The following RB1 variants were observed in gnomAD, a reference collection of about 807,000 sequenced individuals.
RB1 encodes the protein retinoblastoma-associated protein.
RB1 carries 18 observed loss-of-function variants against 135.4 expected under a neutral mutation model. The observed-to-expected ratio is 0.13, with a 90% CI of 0.09 to 0.20. The LOEUF is 0.20. Among genes scored for constraint, RB1 ranks in the 10% least tolerant of loss-of-function variants. The pLI, the probability that RB1 is intolerant of heterozygous loss-of-function variation, is 1.00. For missense variants in RB1, 868 were observed against 1,110.0 expected, an observed-to-expected ratio of 0.78 and a Z score of 3.10; for synonymous variants, 365 against 373.2, an observed-to-expected ratio of 0.98 and a Z score of 0.25.
chr13:48,341,652 A>C (rs1376113060), intron 2 of RB1, among the ~76,000 whole-genome samples: 2 of 152,042 alleles, frequency 1.3e-5, no homozygotes, highest in Non-Finnish European at 2.9e-5. Flanking sequence ...TTTACATCCC[A>C]AGTAGCTAAA....
At chr13:48,397,798 T>C (rs780761162) in intron 17 of RB1, among the ~76,000 whole-genome samples, 2 of 152,184 alleles carry the variant, frequency 1.3e-5, no homozygotes, top group Non-Finnish European at 2.9e-5. Context: ...TTAAGCTTTT[T>C]TGGTATTCTT....
chr13:48,327,304 G>T (rs1261168070), intron 2 of RB1, among the ~76,000 whole-genome samples: 1 of 151,730 alleles, frequency 6.6e-6, no homozygotes, highest in Non-Finnish European at 1.5e-5. Flanking sequence ...CTTATGATTC[G>T]CTTCAAGTTC....
chr13:48,333,960 A>G (rs1233966896), intron 2 of RB1, among the ~76,000 whole-genome samples: 1 of 152,170 alleles, frequency 6.6e-6, no homozygotes, highest in Non-Finnish European at 1.5e-5. Context: ...AAGAGCTGAC[A>G]GGTTTATGAA....
chr13:48,372,603 A>G (rs934180217), intron 11 of RB1, among the ~76,000 whole-genome samples: 3 of 151,778 alleles, frequency 2.0e-5, no homozygotes, highest in Non-Finnish European at 4.4e-5. Context: ...GTGAGCCAAG[A>G]TTGCGCCACT....
At chr13:48,365,993 C>T (rs1002306940) in intron 9 of RB1, among the ~76,000 whole-genome samples, 7 of 152,132 alleles carry the variant, frequency 4.6e-5, no homozygotes, top group African/African-American at 1.2e-4. Context: ...TCTGAGTAAG[C>T]ATTACAGATA....
chr13:48,481,610 C>T lies in RB1; in HGVS notation c.*1539C>T, dbSNP rs942812871. On this transcript the variant is annotated 3_prime_UTR_variant, in exon 27 of 27. Coordinates refer to ENST00000267163, the MANE Select transcript of RB1 (RefSeq NM_000321.3). Reference sequence around the variant, plus strand: ...GACACTAGAAAACTTGACTCCATTTCATCATTGTTTCTGCATGAATATCAT... The same window carrying T: ...GACACTAGAAAACTTGACTCCATTTTATCATTGTTTCTGCATGAATATCAT... 6 of 230,968 alleles carry T rather than the reference C, an allele frequency of 2.6e-5. No individual in the cohort carries two copies. Among genetic ancestry groups the T allele is most frequent in the African/African-American group, 1.1e-4 (5 of 45,194 alleles). The allele number at this position is 230,968 out of a possible 1,614,324, so 14.3% of individuals were successfully genotyped here.
intron 23 of RB1, among the ~76,000 whole-genome samples, chr13:48,465,961 G>C (rs1159738365): frequency 6.8e-6 from 1 of 147,350 alleles, no homozygotes; most frequent in Non-Finnish European, 1.5e-5. Context: ...CAAACTGCAA[G>C]GCGGCAGCGA....
chr13:48,362,620 G>C (rs1028728374), intron 7 of RB1, among the ~76,000 whole-genome samples, 195 bp from the exon 8 acceptor site: 4 of 152,112 alleles, frequency 2.6e-5, no homozygotes. Flanking sequence ...GAGTAGAAGA[G>C]GGATGGCAAA....
At chr13:48,474,904 A>T (rs534472113) in intron 24 of RB1, among the ~76,000 whole-genome samples, 9 of 152,056 alleles carry the variant, frequency 5.9e-5, no homozygotes, top group African/African-American at 1.9e-4. Flanking sequence ...TTTAATTTTT[A>T]AATTTTTATT....
At chr13:48,456,792 C>G (rs1423244593) in intron 19 of RB1, among the ~76,000 whole-genome samples, 1 of 152,242 alleles carries the variant, frequency 6.6e-6, no homozygotes. Flanking sequence ...GCACAGGTGC[C>G]AACTCTCTGT....
chr13:48,455,849 G>T (rs1437191737), intron 18 of RB1, among the ~76,000 whole-genome samples: 1 of 151,952 alleles, frequency 6.6e-6, no homozygotes, highest in Non-Finnish European at 1.5e-5. Flanking sequence ...TTTAGAAGGA[G>T]AATCACAAAA....
intron 18 of RB1, among the ~76,000 whole-genome samples, chr13:48,453,356 T>G (rs1593530213): frequency 6.6e-6 from 1 of 152,192 alleles, no homozygotes; most frequent in South Asian, 2.1e-4. Context: ...GTTGGCAGTT[T>G]AGGTGGAATA....
intron 6 of RB1, 108 bp from the exon 7 acceptor site, chr13:48,359,909 A>G: frequency 7.0e-7 from 1 of 1,431,938 alleles, no homozygotes; most frequent in Non-Finnish European, 9.4e-7. Context: ...CCATGCTGAT[A>G]GTGATTGTTG....
At chr13:48,321,945 T>G (rs1952246157) in intron 2 of RB1, among the ~76,000 whole-genome samples, 1 of 152,206 alleles carries the variant, frequency 6.6e-6, no homozygotes, top group East Asian at 1.9e-4. Flanking sequence ...TTCTTGAGTT[T>G]CTTGTAGATT....
Position 48,345,222 on chromosome 13 carries a change from T to G in RB1, c.500+23T>G, listed in dbSNP as rs198617. On this transcript the variant is annotated intron_variant, in intron 4 of 26. Transcript: ENST00000267163. The stretch of plus-strand genomic sequence containing the variant: ...AAGGTAAAGTAAACATTTTATTAGG[T>G]TTACACTCTGATTTTTTATGTCATT... 1,563,608 of 1,606,016 alleles carry G rather than the reference T, an allele frequency of 0.97. 762,473 individuals carry two copies. The highest frequency in any genetic ancestry group is 1 in the East Asian group (44,557 of 44,644).
At chr13:48,387,548 A>G (rs1376646680) in intron 17 of RB1, among the ~76,000 whole-genome samples, 4 of 152,096 alleles carry the variant, frequency 2.6e-5, no homozygotes, top group African/African-American at 9.7e-5. Flanking sequence ...GGGGAGGACT[A>G]GGTGTTTTGA....
intron 17 of RB1, chr13:48,389,756 C>G (rs1948597660): frequency 6.6e-6 from 1 of 152,312 alleles, no homozygotes. Flanking sequence ...ACTCAGCTCT[C>G]TTCCTCCCAT....
intron 9 of RB1, 41 bp downstream of exon 9, chr13:48,365,012 G>T (rs753015757): frequency 1.3e-6 from 2 of 1,536,464 alleles, no homozygotes; most frequent in South Asian, 1.2e-5. Flanking sequence ...AATGTTTTGA[G>T]ACTGTGGAGG....
At chr13:48,477,536 A>G (rs1374487685) in intron 26 of RB1, 132 bp downstream of exon 26, 5 of 739,152 alleles carry the variant, frequency 6.8e-6, no homozygotes, top group African/African-American at 1.8e-5. Flanking sequence ...ATATAATTCA[A>G]TCAAGGTTAT....
Sources: allele counts gnomAD v4.1 joint callset (sites outside exome capture counted in the v4.1 genomes callset), GRCh38; gene constraint gnomAD v4.1.1; transcripts MANE v1.5; gene names NCBI Gene and HGNC (gene_info 2026-07-23, HGNC 2026-07-21).